The following CELF4 variants were observed in gnomAD, a reference collection of about 807,000 sequenced individuals.
CELF4 encodes the protein CUGBP Elav-like family member 4, also known as CUG-BP- and ETR-3-like factor 4.
Under a neutral mutation model 59.9 loss-of-function variants are expected in CELF4, and 18 were observed. The observed-to-expected ratio is 0.30, with a 90% CI of 0.21 to 0.45. The LOEUF is 0.45. Ranked by LOEUF, CELF4 falls within the 20% of genes least tolerant of loss-of-function variation. The probability of loss-of-function intolerance (pLI) is 1.00; values close to 1 mark genes in which losing one functional copy is unlikely to be tolerated. For synonymous variants in CELF4, 261 were observed against 267.1 expected (o/e 0.98, Z 0.22); for missense variants, 456 against 689.0 (o/e 0.66, Z 3.79).
intron 2 of CELF4, among the ~76,000 whole-genome samples, chr18:37,422,738 C>T (rs970754771): frequency 5.9e-5 from 9 of 152,172 alleles, no homozygotes; most frequent in African/African-American, 1.7e-4. Flanking sequence ...TGCCCTGTTA[C>T]ATTCGTGGCC....
At chr18:37,425,901 A>G (rs2099609138) in intron 2 of CELF4, among the ~76,000 whole-genome samples, 1 of 152,198 alleles carries the variant, frequency 6.6e-6, no homozygotes, top group Non-Finnish European at 1.5e-5. Context: ...TGCTGGGGGT[A>G]GCACCTCCAT....
intron 2 of CELF4, among the ~76,000 whole-genome samples, chr18:37,405,094 C>G (rs528282472): frequency 7.9e-5 from 12 of 152,344 alleles, no homozygotes; most frequent in East Asian, 1.9e-4. Flanking sequence ...AGGCCCCAAC[C>G]CCCCCCGTGT....
At chr18:37,495,368 C>T (rs79933840) in intron 1 of CELF4, among the ~76,000 whole-genome samples, 3 of 152,190 alleles carry the variant, frequency 2.0e-5, no homozygotes, top group East Asian at 1.9e-4. Context: ...TCTCCAACAG[C>T]TTCTGAGCCT....
chr18:37,487,779 G>T (rs1274222245), intron 1 of CELF4, among the ~76,000 whole-genome samples: 1 of 152,184 alleles, frequency 6.6e-6, no homozygotes, highest in Non-Finnish European at 1.5e-5. Context: ...GGAGGAGTAG[G>T]AGGAGGAAAT....
intron 3 of CELF4, among the ~76,000 whole-genome samples, chr18:37,304,140 A>G (rs2096252596): frequency 6.6e-6 from 1 of 152,138 alleles, no homozygotes; most frequent in African/African-American, 2.4e-5. Context: ...TTTCTACCCT[A>G]TATCCCCAAC....
intron 2 of CELF4, among the ~76,000 whole-genome samples, chr18:37,323,386 C>T (rs572729164): frequency 6.6e-6 from 1 of 152,288 alleles, no homozygotes; most frequent in African/African-American, 2.4e-5. Flanking sequence ...GCAGAGAACT[C>T]TGCCATGTTA....
chr18:37,463,275 G>A (rs929832908), intron 2 of CELF4, among the ~76,000 whole-genome samples: 3 of 152,132 alleles, frequency 2.0e-5, no homozygotes, highest in African/African-American at 4.8e-5. Context: ...CCATGGCAGC[G>A]GGCATGGCTG....
intron 1 of CELF4, among the ~76,000 whole-genome samples, chr18:37,558,992 C>A (rs1436219533): frequency 6.6e-6 from 1 of 151,938 alleles, no homozygotes; most frequent in Non-Finnish European, 1.5e-5. Context: ...CAGAAGCAGG[C>A]CAGCCTTAAA....
intron 3 of CELF4, chr18:37,275,508 T>G: frequency 2.1e-6 from 1 of 468,958 alleles, no homozygotes. Flanking sequence ...AGGAGCTGGA[T>G]CGCAGCGACT....
chr18:37,540,767 G>A (rs2099977257), intron 1 of CELF4, among the ~76,000 whole-genome samples: 1 of 152,232 alleles, frequency 6.6e-6, no homozygotes, highest in South Asian at 2.1e-4. Flanking sequence ...AGGGAATGAA[G>A]CTACAGCATG....
chr18:37,312,141 A>G lies in CELF4; in HGVS notation c.448+9662T>C, dbSNP rs1172825304. 2.2e-3 allele frequency among the ~76,000 whole-genome samples: 336 copies of G among 151,590 alleles called. 1 individual carries two copies. Among genetic ancestry groups the G allele is most frequent in the Non-Finnish European group, 4.0e-3 (274 of 67,850 alleles). On this transcript the variant is annotated intron_variant, in intron 3 of 12. Coordinates refer to ENST00000420428, the MANE Select transcript of CELF4 (RefSeq NM_020180.4). ...AAAAAAAAAAAAAAAGAAAAAAAAAAAAAGAAGGAACAGGGATCATTGAGA... is the reference window on the plus strand; with the variant it reads ...AAAAAAAAAAAAAAAGAAAAAAAAAGAAAGAAGGAACAGGGATCATTGAGA...
chr18:37,283,640 G>T (rs980046850), intron 3 of CELF4, among the ~76,000 whole-genome samples: 19 of 152,102 alleles, frequency 1.2e-4, no homozygotes, highest in African/African-American at 4.6e-4. Context: ...CAAGGGACAA[G>T]GAGCTGACCT....
chr18:37,564,497 G>A (rs537578587), intron 1 of CELF4, among the ~76,000 whole-genome samples: 2 of 152,142 alleles, frequency 1.3e-5, no homozygotes, highest in South Asian at 4.1e-4. Flanking sequence ...GCACTCACTG[G>A]CAATGATCGC....
intron 1 of CELF4, among the ~76,000 whole-genome samples, chr18:37,556,948 T>A (rs745879109): frequency 2.0e-5 from 3 of 152,176 alleles, no homozygotes; most frequent in Non-Finnish European, 4.4e-5. Context: ...TCCTGTCACA[T>A]CTTAAGAAGT....
intron 2 of CELF4, among the ~76,000 whole-genome samples, chr18:37,456,975 T>A (rs2099780119): frequency 6.6e-6 from 1 of 152,118 alleles, no homozygotes. Flanking sequence ...CTGATCTTCC[T>A]CTCCCAGGCT....
chr18:37,426,263 C>G (rs1375495362), intron 2 of CELF4, among the ~76,000 whole-genome samples: 2 of 152,206 alleles, frequency 1.3e-5, no homozygotes, highest in African/African-American at 4.8e-5. Flanking sequence ...CACGGACACT[C>G]TAGGTGACTG....
Position 37,436,725 on chromosome 18 carries a change from C to T in CELF4, c.369+48800G>A, listed in dbSNP as rs894505935. Among the ~76,000 whole-genome samples, 7 of 152,220 alleles carry T rather than the reference C, an allele frequency of 4.6e-5. No homozygotes were observed. The South Asian group carries it at 6.2e-4, about 14-fold the overall frequency. On this transcript the variant is annotated intron_variant, in intron 2 of 12. Coordinates refer to ENST00000420428, the MANE Select transcript of CELF4 (RefSeq NM_020180.4). ...TTGAAGGGATGGTCAGAAATAGAGG[C>T]GCCTTCTCCCCATGTTGGAGGGAAT...
intron 2 of CELF4, among the ~76,000 whole-genome samples, chr18:37,345,800 C>T (rs754962924): frequency 4.6e-5 from 7 of 152,058 alleles, no homozygotes; most frequent in Admixed American, 6.5e-5. Context: ...CACAGCCTAC[C>T]CTGAGGCTGA....
chr18:37,286,141 A>G (rs980350399), intron 3 of CELF4, among the ~76,000 whole-genome samples: 1 of 152,128 alleles, frequency 6.6e-6, no homozygotes, highest in Non-Finnish European at 1.5e-5. Context: ...GGTGGTCTAC[A>G]GGGCAGGAGG....
Sources: gnomAD v4.1 joint callset for allele counts (sites outside exome capture counted in the v4.1 genomes callset) on GRCh38, gnomAD v4.1.1 for gene constraint, MANE v1.5 for transcripts, NCBI Gene and HGNC (gene_info 2026-07-23, HGNC 2026-07-21) for gene names.